SLC24A2: variants seen among roughly 807,000 people sequenced by gnomAD.
SLC24A2 encodes the protein solute carrier family 24 member 2, also known as sodium/potassium/calcium exchanger 2.
Under a neutral mutation model 62.0 loss-of-function variants are expected in SLC24A2, and 36 were observed. The ratio of observed to expected loss-of-function variants is 0.58; its 90% CI spans 0.44 to 0.77. The LOEUF is 0.77. SLC24A2 is among the 30% of genes least tolerant of loss of function. The pLI is 0.00. For synonymous variants in SLC24A2, 358 were observed against 294.0 expected, an observed-to-expected ratio of 1.22 and a Z score of -2.23; for missense variants, 846 against 817.9, an observed-to-expected ratio of 1.03 and a Z score of -0.42.
the SLC24A2 span, among the ~76,000 whole-genome samples, chr9:20,081,573 T>C: frequency 1.3e-5 from 2 of 151,918 alleles, no homozygotes; most frequent in African/African-American, 4.8e-5. Context: ...GGCACATGTA[T>C]ACATATGTAA....
intron 2 of SLC24A2, among the ~76,000 whole-genome samples, chr9:19,719,127 A>T (rs1820950149): frequency 6.6e-6 from 1 of 152,110 alleles, no homozygotes; most frequent in Non-Finnish European, 1.5e-5. Flanking sequence ...AACTGCTAAG[A>T]CTTTATTGCT....
the SLC24A2 span, among the ~76,000 whole-genome samples, chr9:20,034,761 C>T: frequency 6.6e-6 from 1 of 152,138 alleles, no homozygotes; most frequent in African/African-American, 2.4e-5. Flanking sequence ...AGCCACCGCG[C>T]CCGGCCTGCC....
chr9:20,262,402 C>T, the SLC24A2 span, among the ~76,000 whole-genome samples: 2 of 152,208 alleles, frequency 1.3e-5, no homozygotes, highest in African/African-American at 4.8e-5. Context: ...GACCAAGTGC[C>T]TAGCACATTG....
the SLC24A2 span, among the ~76,000 whole-genome samples, chr9:19,963,882 G>A: frequency 2.6e-5 from 4 of 152,106 alleles, no homozygotes; most frequent in African/African-American, 9.7e-5. Context: ...TATACCCAAA[G>A]GACTATGAAT....
At chr9:20,112,329 T>G in the SLC24A2 span, among the ~76,000 whole-genome samples, 1 of 152,204 alleles carries the variant, frequency 6.6e-6, no homozygotes, top group Non-Finnish European at 1.5e-5. Flanking sequence ...TTTAAAACCC[T>G]GTGAATTTGC....
rs546916404 is a variant in SLC24A2, at chr9:19,534,255, C to T, written c.1480-6117G>A. Among the ~76,000 whole-genome samples, 179 of 152,310 alleles carry T rather than the reference C, an allele frequency of 1.2e-3. 1 individual carries two copies. Among genetic ancestry groups the T allele is most frequent in the African/African-American group, 4.0e-3 (168 of 41,568 alleles). The stretch of plus-strand genomic sequence containing the variant: ...TCAAATCCAGCTTCTCTCACTAATA[C>T]AGCTGTAAAGTCTTGCTCTGTGGTT... On this transcript the variant is annotated intron_variant, in intron 8 of 10. Transcript: ENST00000341998.
the SLC24A2 span, among the ~76,000 whole-genome samples, chr9:20,196,701 T>C: frequency 6.6e-6 from 1 of 152,242 alleles, no homozygotes; most frequent in Admixed American, 6.5e-5. Context: ...CAAGGAGGCC[T>C]GCAAAGGATT....
At chr9:20,206,153 C>T in the SLC24A2 span, among the ~76,000 whole-genome samples, 2 of 152,174 alleles carry the variant, frequency 1.3e-5, no homozygotes, top group African/African-American at 4.8e-5. Context: ...TTACAACTAA[C>T]TTTTAAGAAA....
the SLC24A2 span, among the ~76,000 whole-genome samples, chr9:20,175,017 T>A: frequency 3.1e-4 from 46 of 147,806 alleles, no homozygotes; most frequent in East Asian, 9.9e-4. Context: ...TCTGAATTTT[T>A]TATATATATA....
At chr9:20,169,929 A>G in the SLC24A2 span, among the ~76,000 whole-genome samples, 1 of 152,028 alleles carries the variant, frequency 6.6e-6, no homozygotes, top group Non-Finnish European at 1.5e-5. Flanking sequence ...ATAAATCAAA[A>G]AAGTGATACA....
rs569464550 is a variant in SLC24A2, at chr9:19,527,041, A to C, written c.1569+1008T>G. On this transcript the variant is annotated intron_variant, in intron 9 of 10. Transcript: ENST00000341998. ...TATGTAAAGTATGAGGTAAGGATCT[A>C]AGTTTATTTATTTTGGCATATGGAA... 1.4e-3 allele frequency among the ~76,000 whole-genome samples: 207 copies of C among 152,268 alleles called. 1 individual carries two copies. Among genetic ancestry groups the C allele is most frequent in the African/African-American group, 4.3e-3 (179 of 41,554 alleles).
chr9:19,579,226 G>T lies in SLC24A2; in HGVS notation c.1130-2204C>A, dbSNP rs4977565. Among the ~76,000 whole-genome samples, 3 of 151,924 alleles carry T rather than the reference G, an allele frequency of 2.0e-5. No homozygotes were observed. In the East Asian group the frequency reaches 5.8e-4, roughly 29 times the overall value. On this transcript the variant is annotated intron_variant, in intron 5 of 10. Coordinates refer to ENST00000341998, the MANE Select transcript of SLC24A2 (RefSeq NM_020344.4). ...GGTAAAGAAGAACAAGAACAGAAAG[G>T]AAAAATAGAGAAAAAGAAATGCAAG... is the stretch of plus-strand genomic sequence containing the variant.
chr9:19,631,281 A>T (rs79267680), intron 2 of SLC24A2, among the ~76,000 whole-genome samples: 3,058 of 152,288 alleles, frequency 0.02, 54 homozygotes, highest in East Asian at 0.093. Context: ...TCTTGGTCCA[A>T]CACTGAATTG....
the SLC24A2 span, among the ~76,000 whole-genome samples, chr9:19,878,062 G>C: frequency 6.6e-6 from 1 of 152,170 alleles, no homozygotes; most frequent in Non-Finnish European, 1.5e-5. Flanking sequence ...ACCCTGTGCA[G>C]AGGCATTTTG....
At chr9:19,873,460 T>G in the SLC24A2 span, among the ~76,000 whole-genome samples, 2 of 150,956 alleles carry the variant, frequency 1.3e-5, no homozygotes, top group African/African-American at 4.9e-5. Context: ...TTTCTTTCTT[T>G]CTTTTTCTTT....
At chr9:19,525,389 TAC>T (rs371290734) in intron 9 of SLC24A2, among the ~76,000 whole-genome samples, 14,003 of 93,348 alleles carry the variant, frequency 0.15, 1,553 homozygotes, top group East Asian at 0.34. Flanking sequence ...CCTATTTCTT[TAC>T]TTTTTTTTTT....
chr9:19,913,279 A>AT, the SLC24A2 span, among the ~76,000 whole-genome samples: 2 of 152,080 alleles, frequency 1.3e-5, no homozygotes, highest in Non-Finnish European at 2.9e-5. Context: ...GATACCAGTC[A>AT]TTTTTTTGTT....
intron 2 of SLC24A2, among the ~76,000 whole-genome samples, chr9:19,723,854 A>AT (rs1310843882): frequency 6.6e-6 from 1 of 152,132 alleles, no homozygotes. Flanking sequence ...AAAAAGCTTA[A>AT]TTGGACAAAC....
chr9:19,593,112 T>C (rs1459734061), intron 5 of SLC24A2, among the ~76,000 whole-genome samples: 1 of 152,214 alleles, frequency 6.6e-6, no homozygotes, highest in Non-Finnish European at 1.5e-5. Context: ...AGTGGAGACA[T>C]CGCCTGCCAG....
Sources: gnomAD v4.1 joint callset for allele counts (sites outside exome capture counted in the v4.1 genomes callset) on GRCh38, gnomAD v4.1.1 for gene constraint, MANE v1.5 for transcripts, NCBI Gene and HGNC (gene_info 2026-07-23, HGNC 2026-07-21) for gene names.